Variants in TRPM3 observed in about 807,000 individuals in gnomAD.
TRPM3 encodes the protein transient receptor potential cation channel subfamily M member 3, also known as long transient receptor potential channel 3.
In TRPM3, 77 loss-of-function variants were observed where a neutral mutation model predicts 181.2. The observed-to-expected ratio is 0.42, with a 90% confidence interval of 0.35 to 0.51. The LOEUF (loss-of-function observed/expected upper bound fraction) is 0.51. TRPM3 is among the 20% of genes least tolerant of loss of function. The pLI is 0.01. For missense variants in TRPM3, 1,759 were observed against 2,196.7 expected (o/e 0.80, Z 3.98); for synonymous variants, 745 against 796.4 (o/e 0.94, Z 1.09).
intron 1 of TRPM3, among the ~76,000 whole-genome samples, chr9:70,944,892 A>G (rs1444676621): frequency 1.4e-5 from 2 of 138,448 alleles, no homozygotes; most frequent in Non-Finnish European, 3.2e-5. Flanking sequence ...CTCACAGGTG[A>G]AAAAAAAAAA....
intron 9 of TRPM3, among the ~76,000 whole-genome samples, chr9:70,669,145 A>G (rs991400290): frequency 6.6e-6 from 1 of 152,250 alleles, no homozygotes; most frequent in Non-Finnish European, 1.5e-5. Context: ...CTGCCATCAG[A>G]ACTGGCTGCA....
chr9:70,950,432 T>A lies in TRPM3; in HGVS notation c.178-85921A>T, dbSNP rs575954907. ...CCACAATAGTTTTCATGGATTAGGG[T>A]GACATATTATGCGCTCCTGACAGTA... On this transcript the variant is annotated intron_variant, in intron 1 of 25. Transcript: ENST00000677713. Among the ~76,000 whole-genome samples, 3 of 152,320 alleles carry A rather than the reference T, an allele frequency of 2.0e-5. No individual in the cohort carries two copies. In the South Asian group the frequency reaches 6.2e-4, roughly 32 times the overall value.
intron 8 of TRPM3, among the ~76,000 whole-genome samples, chr9:70,754,347 G>A (rs2135148192): frequency 6.6e-6 from 1 of 152,296 alleles, no homozygotes; most frequent in East Asian, 1.9e-4. Context: ...ATATGTTGCA[G>A]ATAGTCTTTA....
chr9:71,005,748 G>C (rs1469224489), intron 1 of TRPM3, among the ~76,000 whole-genome samples: 1 of 152,078 alleles, frequency 6.6e-6, no homozygotes, highest in African/African-American at 2.4e-5. Flanking sequence ...ATCAACACCA[G>C]ACCTGTCTTA....
At chr9:70,852,128 C>CAAAA (rs35682319) in intron 3 of TRPM3, among the ~76,000 whole-genome samples, 8 of 44,904 alleles carry the variant, frequency 1.8e-4, no homozygotes, top group African/African-American at 6.1e-4. Flanking sequence ...ACTCTATCTC[C>CAAAA]AAAAAAAAAA....
chr9:70,874,626 T>C lies in TRPM3; in HGVS notation c.178-10115A>G, dbSNP rs139731535. Among the ~76,000 whole-genome samples, 17 of 152,134 alleles carry C rather than the reference T, an allele frequency of 1.1e-4. No homozygotes were observed. In the South Asian group the frequency reaches 3.3e-3, roughly 30 times the overall value. On this transcript the variant is annotated intron_variant, in intron 1 of 25. Transcript: ENST00000677713. ...CTTTCACAATTCATTCCTTCTGATT[T>C]TGTTAGCAGCCAAAGAAATGTGCTG...
intron 1 of TRPM3, among the ~76,000 whole-genome samples, chr9:70,949,383 A>G (rs2096971423): frequency 6.6e-6 from 1 of 151,994 alleles, no homozygotes; most frequent in Non-Finnish European, 1.5e-5. Flanking sequence ...AAGCAGATGT[A>G]GCTGTGTTTG....
intron 1 of TRPM3, among the ~76,000 whole-genome samples, chr9:71,193,572 A>G (rs1057236115): frequency 6.6e-6 from 1 of 151,890 alleles, no homozygotes; most frequent in Non-Finnish European, 1.5e-5. Flanking sequence ...TCCAACCCTC[A>G]ACTTTCTATT....
In TRPM3 at chr9:71,446,830, C is replaced by A. The variant is rs749924200; in HGVS notation, c.6G>T (p.Gly2=). The change falls in exon 1 of 25, where the codon GGG becomes GGT. Residue 2 remains glycine (G), a synonymous_variant. Coordinates refer to the TRPM3 transcript ENST00000357533. ...TTTCCGCCGCATCCCTCCACTTCTTCCCCATGAGAAGTTCGCCTCCCTCGG... is the reference window on the plus strand; with the variant it reads ...TTTCCGCCGCATCCCTCCACTTCTTACCCATGAGAAGTTCGCCTCCCTCGG... 5 of 1,540,972 alleles carry A rather than the reference C, an allele frequency of 3.2e-6. No individual in the cohort carries two copies. In the South Asian group the frequency reaches 6.0e-5, roughly 18 times the overall value.
chr9:70,694,286 T>C (rs961943753), intron 8 of TRPM3, among the ~76,000 whole-genome samples: 3 of 152,020 alleles, frequency 2.0e-5, no homozygotes, highest in Non-Finnish European at 4.4e-5. Flanking sequence ...TTTTACCATC[T>C]GCAAAAAAAA....
chr9:70,831,962 A>AATATATATATAT lies in TRPM3; in HGVS notation c.802-3956_802-3945dup, dbSNP rs71367232. Among the ~76,000 whole-genome samples the AATATATATATAT allele has an allele frequency of 7.3e-3, 466 of 64,016 alleles. 8 individuals are homozygous for AATATATATATAT. Among genetic ancestry groups the AATATATATATAT allele is most frequent in the Admixed American group, 0.01 (59 of 5,660 alleles). 42.0% of individuals were successfully genotyped at this position (64,016 alleles called of 152,430 possible). ...ATCAAAACATTTTATGTACCCCATAAATATATATATATATATATATATATA... is the reference window on the plus strand; with the variant it reads ...ATCAAAACATTTTATGTACCCCATAAATATATATATATATATATATATATATATATATATATA... On this transcript the variant is annotated intron_variant, in intron 5 of 25. Coordinates refer to ENST00000677713, the MANE Select transcript of TRPM3 (RefSeq NM_001366145.2).
chr9:70,990,595 A>G (rs2097471259), intron 1 of TRPM3, among the ~76,000 whole-genome samples: 1 of 151,994 alleles, frequency 6.6e-6, no homozygotes, highest in Admixed American at 6.6e-5. Context: ...GGAAGGCAAA[A>G]TTCACTTCTC....
At chr9:71,024,282 T>C (rs898744814) in intron 1 of TRPM3, among the ~76,000 whole-genome samples, 6 of 152,152 alleles carry the variant, frequency 3.9e-5, no homozygotes, top group Non-Finnish European at 5.9e-5. Flanking sequence ...GGCATACCCA[T>C]TGGGACAGAG....
intron 1 of TRPM3, among the ~76,000 whole-genome samples, chr9:71,048,392 C>T (rs7021740): frequency 2.0e-5 from 3 of 152,156 alleles, no homozygotes; most frequent in East Asian, 3.9e-4. Flanking sequence ...AGCAGGTAGC[C>T]TTTCACTAAG....
intron 5 of TRPM3, among the ~76,000 whole-genome samples, chr9:70,837,776 T>G (rs2131888150): frequency 6.6e-6 from 1 of 152,340 alleles, no homozygotes. Context: ...GGGGCTCCGG[T>G]CATGCATCGA....
chr9:71,343,288 TA>T (rs2091083825), intron 1 of TRPM3, among the ~76,000 whole-genome samples: 1 of 152,078 alleles, frequency 6.6e-6, no homozygotes, highest in African/African-American at 2.4e-5. Flanking sequence ...TTCACAATAA[TA>T]AATAATGACA....
chr9:71,000,697 C>A lies in TRPM3; in HGVS notation c.177+120481G>T, dbSNP rs190294655. Among the ~76,000 whole-genome samples the A allele has an allele frequency of 5.5e-3, 835 of 152,214 alleles. 9 individuals carry two copies. Among genetic ancestry groups the A allele is most frequent in the African/African-American group, 0.019 (795 of 41,522 alleles). ...GGATCTTACCCCTTACTTCATTAACCAAGACCCTTCACATAGTTAACAAGA... is the reference window on the plus strand; with the variant it reads ...GGATCTTACCCCTTACTTCATTAACAAAGACCCTTCACATAGTTAACAAGA... On this transcript the variant is annotated intron_variant, in intron 1 of 25. Transcript: ENST00000677713.
intron 1 of TRPM3, among the ~76,000 whole-genome samples, chr9:71,227,168 G>T (rs976055030): frequency 6.7e-6 from 1 of 148,548 alleles, no homozygotes; most frequent in African/African-American, 2.5e-5. Flanking sequence ...TGACCATAAT[G>T]GAATAAAACT....
At chr9:71,141,562 G>C (rs530673836) in intron 1 of TRPM3, among the ~76,000 whole-genome samples, 13 of 152,118 alleles carry the variant, frequency 8.5e-5, no homozygotes, top group African/African-American at 2.4e-4. Context: ...TATTTATTAA[G>C]TTAAAGGGGC....
Sources: gnomAD v4.1 joint callset for allele counts (sites outside exome capture counted in the v4.1 genomes callset) on GRCh38, gnomAD v4.1.1 for gene constraint, MANE v1.5 for transcripts, NCBI Gene and HGNC (gene_info 2026-07-23, HGNC 2026-07-21) for gene names.